CDC20B: variants seen among roughly 807,000 people sequenced by gnomAD.
CDC20B encodes cell division cycle protein 20 homolog B.
In CDC20B, 58 loss-of-function variants were observed where a neutral mutation model predicts 64.1. The observed-to-expected ratio is 0.90, with a 90% CI of 0.73 to 1.13. The LOEUF (loss-of-function observed/expected upper bound fraction) is 1.13. CDC20B is among the 50% of genes most tolerant of loss of function. The pLI is 0.00. For synonymous variants in CDC20B, 243 were observed against 230.6 expected, an observed-to-expected ratio of 1.05 and a Z score of -0.49; for missense variants, 597 against 633.0, an observed-to-expected ratio of 0.94 and a Z score of 0.61.
rs1205899105 is a variant in CDC20B at position 55,173,052 on chromosome 5, C to A, written c.-52G>T. 2.6e-6 allele frequency: 4 copies of A among 1,525,950 alleles called. No individual in the cohort carries two copies. The highest frequency in any genetic ancestry group is 3.6e-6 in the Non-Finnish European group (4 of 1,114,074). The allele number at this position is 1,525,950 out of a possible 1,614,324, so 94.5% of individuals were successfully genotyped here. On this transcript the variant is annotated 5_prime_UTR_variant, in exon 1 of 12. Transcript: ENST00000381375. ...GTTTGGCCTCTCTGCTCGACTGCCT[C>A]TGGTTTTCTTCCCAGGTCTAAGTCA... is the stretch of plus-strand genomic sequence containing the variant.
Position 55,133,460 on chromosome 5 carries a change from G to C in CDC20B, c.649C>G (p.Leu217Val), listed in dbSNP as rs1561290474. ...KSSGDINDSILQPEVKIHITG... is the reference protein window; with the variant it reads ...KSSGDINDSIVQPEVKIHITG... ...ATATGAATCTTCACCTCTGGTTGGAGTATGGAATCGTTTATATCACCAGAA... is the reference window on the plus strand; with the variant it reads ...ATATGAATCTTCACCTCTGGTTGGACTATGGAATCGTTTATATCACCAGAA... The change falls in exon 6 of 12, where the codon CTC becomes GTC. Residue 217 changes from leucine to valine, a missense_variant. Leu to Val is a conservative substitution (Grantham distance 32). Transcript: ENST00000381375. 6.3e-7 allele frequency: 1 copy of C among 1,582,800 alleles called. No individual in the cohort carries two copies. Among genetic ancestry groups the C allele is most frequent in the Non-Finnish European group, 8.6e-7 (1 of 1,158,548 alleles).
intron 2 of CDC20B, among the ~76,000 whole-genome samples, chr5:55,157,863 C>T (rs974935596): frequency 2.6e-5 from 4 of 152,178 alleles, no homozygotes; most frequent in South Asian, 2.1e-4. Flanking sequence ...ACTCTCTTTC[C>T]ACCTCAAAAC....
At chr5:55,134,545 T>TGAGCCCAGGA (rs1297073952) in intron 5 of CDC20B, among the ~76,000 whole-genome samples, 3 of 152,168 alleles carry the variant, frequency 2.0e-5, no homozygotes, top group African/African-American at 7.2e-5. Context: ...GCAGATTGCC[T>TGAGCCCAGGA]GAGCCCAGGA....
rs574419777 is a variant in CDC20B at position 55,145,467 on chromosome 5, T to C, written c.355+1161A>G. Reference sequence around the variant, plus strand: ...GGATTCTCAAAAGAAAGAATGGGAATTACATCAGCTGATGATAGGTGGCAA... The same window carrying C: ...GGATTCTCAAAAGAAAGAATGGGAACTACATCAGCTGATGATAGGTGGCAA... On this transcript the variant is annotated intron_variant, in intron 3 of 11. Transcript: ENST00000381375. 3.3e-5 allele frequency among the ~76,000 whole-genome samples: 5 copies of C among 152,338 alleles called. No homozygotes were observed. In the East Asian group the frequency reaches 9.6e-4, roughly 29 times the overall value.
chr5:55,146,717 G>GA lies in CDC20B; in HGVS notation c.265dup (p.Ser89PhefsTer24). ...GGTGGTTGACTGCTCTTCCCCAAAG[G>GA]AATCAGAGGACAGAGCCCTAGTTTG... On this transcript the variant is annotated frameshift_variant, in exon 3 of 12. Transcript: ENST00000381375. LOFTEE classifies it high-confidence loss of function. The GA allele has an allele frequency of 1.2e-6, 2 of 1,614,192 alleles. No homozygotes were observed. Among genetic ancestry groups the GA allele is most frequent in the South Asian group, 1.1e-5 (1 of 91,080 alleles).
chr5:55,172,251 T>A (rs946173937), intron 2 of CDC20B: 1 of 235,070 alleles, frequency 4.3e-6, no homozygotes, highest in Admixed American at 5.3e-5. Context: ...TTCCATTTCT[T>A]TGGGGGGCGT....
rs1204169317 is a variant in CDC20B at position 55,173,100 on chromosome 5, C to A, written c.-100G>T. ...TCAGTCTTGACGCCTAATCGTCAAA[C>A]CCCTGGAGTCCCGTCCCCCAGGACC... On this transcript the variant is annotated 5_prime_UTR_variant, in exon 1 of 12. Coordinates refer to ENST00000381375, the MANE Select transcript of CDC20B (RefSeq NM_001170402.1). 7.4e-6 allele frequency: 7 copies of A among 948,144 alleles called. No individual in the cohort carries two copies. Among genetic ancestry groups the A allele is most frequent in the Middle Eastern group, 3.1e-4 (1 of 3,278 alleles). The allele number at this position is 948,144 out of a possible 1,614,324, so 58.7% of individuals were successfully genotyped here. A position where few individuals can be genotyped will look rare whatever the true frequency, so the allele number is the denominator to read the frequency against.
intron 2 of CDC20B, among the ~76,000 whole-genome samples, chr5:55,156,779 C>G (rs1408191849): frequency 6.6e-6 from 1 of 152,120 alleles, no homozygotes; most frequent in African/African-American, 2.4e-5. Flanking sequence ...GAGGCTGAGG[C>G]CGGAGAATCA....
intron 2 of CDC20B, chr5:55,164,329 G>A: frequency 3.0e-6 from 2 of 671,438 alleles, no homozygotes; most frequent in African/African-American, 1.8e-5. Context: ...CCAGGCTGGA[G>A]TGCAGTAGTG....
intron 6 of CDC20B, among the ~76,000 whole-genome samples, chr5:55,132,879 G>C (rs748091436): frequency 3.3e-4 from 50 of 152,100 alleles, no homozygotes; most frequent in Non-Finnish European, 4.7e-4. Context: ...ACCTTTCCAA[G>C]TTCTAATGAT....
intron 2 of CDC20B, chr5:55,160,901 C>G (rs900839069): frequency 5.0e-5 from 63 of 1,271,648 alleles, no homozygotes; most frequent in Admixed American, 7.8e-5. Flanking sequence ...AGGTTATAGT[C>G]CCCCCCAAAT....
At chr5:55,166,047 G>T (rs1744365458) in intron 2 of CDC20B, 1 of 152,220 alleles carries the variant, frequency 6.6e-6, no homozygotes, top group South Asian at 2.1e-4. Context: ...ATGCTCAGGT[G>T]GCCCCTCCAA....
rs1742574889 is a variant in CDC20B at position 55,114,282 on chromosome 5, G to A, written c.1496C>T (p.Pro499Leu). 3 of 1,613,862 alleles carry A rather than the reference G, an allele frequency of 1.9e-6. No homozygotes were observed. The highest frequency in any genetic ancestry group is 2.7e-5 in the African/African-American group (2 of 74,910). ...RGRVLHLSLS[P>L]DQTRVFSAAA... ...AGCAGAAAACACCCGGGTCTGGTCT[G>A]GACTCAAAGACAGGTGCAGCACTCT... The change falls in exon 12 of 12, where the codon CCA becomes CTA. Residue 499 changes from proline to leucine, a missense_variant. Transcript: ENST00000381375. This position sits in a 1 kb window ranked among gnomAD's most constrained non-coding sequence, Gnocchi z 4.1.
intron 2 of CDC20B, chr5:55,160,150 T>G: frequency 6.7e-7 from 1 of 1,482,746 alleles, no homozygotes. Context: ...CAGCTCCTCC[T>G]TGAATTCCAG....
At chr5:55,118,334 C>T (rs541709905) in intron 11 of CDC20B, among the ~76,000 whole-genome samples, 18 of 152,194 alleles carry the variant, frequency 1.2e-4, no homozygotes, top group Admixed American at 8.5e-4. Context: ...CAAAAGTAAC[C>T]TCATCTCCAA....
Position 55,114,185 on chromosome 5 carries a change from A to C in CDC20B, c.*33T>G. ...GCCAACATCATCATCTTCACTCAGA[A>C]ATAAGGAAACTGAAACCTAGAGGGG... On this transcript the variant is annotated 3_prime_UTR_variant, in exon 12 of 12. Coordinates refer to ENST00000381375, the MANE Select transcript of CDC20B (RefSeq NM_001170402.1). The surrounding 1 kb of genome is among the most constrained non-coding windows in gnomAD (Gnocchi z 4.1). 1 of 1,601,542 alleles carries C rather than the reference A, an allele frequency of 6.2e-7. No homozygotes were observed. The highest frequency in any genetic ancestry group is 1.1e-5 in the South Asian group (1 of 89,594).
rs336061 is a variant in CDC20B, at chr5:55,120,340, G to A, written c.1341+85C>T. The A allele has an allele frequency of 2.8e-3, 4,187 of 1,487,734 alleles. 14 individuals are homozygous for A. Among genetic ancestry groups the A allele is most frequent in the Non-Finnish European group, 3.4e-3 (3,692 of 1,078,426 alleles). 92.2% of individuals were successfully genotyped at this position (1,487,734 alleles called of 1,614,324 possible). ...TGGACTCAATAGAGAAAGAGAGCTTGTTGGGGGCATAGGCTCTGTTGTAAA... is the reference window on the plus strand; with the variant it reads ...TGGACTCAATAGAGAAAGAGAGCTTATTGGGGGCATAGGCTCTGTTGTAAA... On this transcript the variant is annotated intron_variant, in intron 10 of 11. Transcript: ENST00000381375.
At chr5:55,163,848 G>A (rs866278231) in intron 2 of CDC20B, among the ~76,000 whole-genome samples, 4 of 149,138 alleles carry the variant, frequency 2.7e-5, no homozygotes, top group Non-Finnish European at 5.9e-5. Flanking sequence ...CATACTAGAT[G>A]AGTAGACTCA....
In CDC20B at chr5:55,126,076, T is replaced by C. The variant is rs572176702; in HGVS notation, c.990-1048A>G. On this transcript the variant is annotated intron_variant, in intron 8 of 11. Transcript: ENST00000381375. ...TCCTCGTGGATAATGAAACTAAATT[T>C]TAACAATGCAGATTAGAAAAGGAGC... Among the ~76,000 whole-genome samples, 8 of 152,284 alleles carry C rather than the reference T, an allele frequency of 5.3e-5. No individual in the cohort carries two copies. In the South Asian group the frequency reaches 1.7e-3, roughly 32 times the overall value.
Sources: gnomAD v4.1 joint callset for allele counts (sites outside exome capture counted in the v4.1 genomes callset) on GRCh38, gnomAD v4.1.1 for gene constraint, Gnocchi (gnomAD v3.1) non-coding constraint, MANE v1.5 for transcripts, NCBI Gene and HGNC (gene_info 2026-07-23, HGNC 2026-07-21) for gene names.